Variants in ADAMTSL3 observed in about 807,000 individuals in gnomAD.
ADAMTSL3 encodes ADAMTS-like protein 3.
A neutral mutation model predicts 201.7 loss-of-function variants in ADAMTSL3; 128 were observed. The ratio of observed to expected loss-of-function variants is 0.63; its 90% CI spans 0.55 to 0.73. The LOEUF (loss-of-function observed/expected upper bound fraction) is 0.73, where lower values mean the gene tolerates loss of function less well. Ranked by LOEUF, ADAMTSL3 falls within the 30% of genes least tolerant of loss-of-function variation. The pLI is 0.00. For missense variants in ADAMTSL3, 1,990 were observed against 2,119.6 expected (o/e 0.94, Z 1.20); for synonymous variants, 738 against 748.4 (o/e 0.99, Z 0.23).
Position 83,890,201 on chromosome 15 carries a change from C to A in ADAMTSL3, c.1165C>A (p.Pro389Thr). 1 of 1,613,976 alleles carries A rather than the reference C, an allele frequency of 6.2e-7. No homozygotes were observed. The highest frequency in any genetic ancestry group is 8.5e-7 in the Non-Finnish European group (1 of 1,179,898). ...TCACTACTACCCTGAAAATGTAAAA[C>A]CAAAACCAAAACTGAAGGAATGCAG... ...YCHYYPENVK[P>T]KPKLKECSMD... Residue 389 changes from proline to threonine, a missense_variant, in exon 11 of 30, where the codon CCA becomes ACA. Coordinates refer to ENST00000286744, the MANE Select transcript of ADAMTSL3 (RefSeq NM_207517.3).
intron 16 of ADAMTSL3, among the ~76,000 whole-genome samples, chr15:83,914,852 TGTTTG>T (rs1407344851): frequency 1.3e-5 from 2 of 149,786 alleles, no homozygotes; most frequent in Non-Finnish European, 3.0e-5. Context: ...TGTTTGGTTT[TGTTTG>T]TTTGTTTGTT....
intron 26 of ADAMTSL3, 111 bp from the exon 27 acceptor site, chr15:84,025,127 G>A: frequency 1.2e-6 from 1 of 864,734 alleles, no homozygotes; most frequent in Admixed American, 3.0e-5. Flanking sequence ...AGAGACATGT[G>A]ACAGCCTAAG....
intron 19 of ADAMTSL3, among the ~76,000 whole-genome samples, chr15:83,944,279 G>C (rs1008389033): frequency 5.9e-5 from 9 of 152,118 alleles, no homozygotes; most frequent in Non-Finnish European, 1.5e-5. Context: ...TCTTCTTCCA[G>C]CCCTTTGCTC....
At chr15:83,912,945 A>G in intron 15 of ADAMTSL3, 147 bp from the exon 16 acceptor site, 1 of 797,546 alleles carries the variant, frequency 1.3e-6, no homozygotes, top group Non-Finnish European at 2.0e-6. Context: ...ACTGACCATC[A>G]ACAAAAGTAT....
intron 2 of ADAMTSL3, among the ~76,000 whole-genome samples, chr15:83,665,886 A>G (rs1567058922): frequency 6.6e-6 from 1 of 152,190 alleles, no homozygotes; most frequent in Non-Finnish European, 1.5e-5. Context: ...AAAAACAAAG[A>G]AGAGTAACTA....
intron 21 of ADAMTSL3, among the ~76,000 whole-genome samples, 162 bp from the exon 22 acceptor site, chr15:83,988,529 A>G (rs865957192): frequency 3.3e-5 from 5 of 152,210 alleles, no homozygotes; most frequent in Non-Finnish European, 5.9e-5. Flanking sequence ...CCTGGTCTAT[A>G]TAGTTCTCTG....
At chr15:84,021,085 G>A (rs1233712361) in intron 25 of ADAMTSL3, among the ~76,000 whole-genome samples, 1 of 152,162 alleles carries the variant, frequency 6.6e-6, no homozygotes, top group Non-Finnish European at 1.5e-5. Context: ...GCTGTGGTTA[G>A]AGAACACTGA....
At chr15:83,759,351 G>C (rs924960433) in intron 3 of ADAMTSL3, among the ~76,000 whole-genome samples, 1 of 151,610 alleles carries the variant, frequency 6.6e-6, no homozygotes, top group Non-Finnish European at 1.5e-5. Flanking sequence ...TCAGCCTCCC[G>C]AGTAGCTGGG....
At chr15:83,876,102 G>A (rs1400479450) in intron 9 of ADAMTSL3, among the ~76,000 whole-genome samples, 1 of 151,932 alleles carries the variant, frequency 6.6e-6, no homozygotes, top group African/African-American at 2.4e-5. Context: ...TTTTTCTACG[G>A]AAGTATCCAA....
rs141206955 is a variant in ADAMTSL3, at chr15:83,741,886, G to A, written c.190-31637G>A. Among the ~76,000 whole-genome samples, 66 of 152,124 alleles carry A rather than the reference G, an allele frequency of 4.3e-4. 1 individual carries two copies. The East Asian group carries it at 0.012, about 27-fold the overall frequency. On this transcript the variant is annotated intron_variant, in intron 3 of 29. Transcript: ENST00000286744. ...CTTGGGAGGCTGACGTGGGAGGATC[G>A]CTTGAGTTTGAGGCTGCAGTGAGCC...
intron 23 of ADAMTSL3, among the ~76,000 whole-genome samples, chr15:84,009,425 TA>T (rs2067965030): frequency 6.6e-6 from 1 of 152,156 alleles, no homozygotes; most frequent in South Asian, 2.1e-4. Flanking sequence ...CCAATTATAA[TA>T]AAAATATAGG....
At chr15:83,981,656 C>T (rs1031799869) in intron 20 of ADAMTSL3, among the ~76,000 whole-genome samples, 4 of 152,208 alleles carry the variant, frequency 2.6e-5, no homozygotes, top group African/African-American at 4.8e-5. Flanking sequence ...TTTTTGATCA[C>T]GGCTACCCAT....
chr15:83,745,753 A>G (rs1205467311), intron 3 of ADAMTSL3, among the ~76,000 whole-genome samples: 1 of 152,236 alleles, frequency 6.6e-6, no homozygotes, highest in Non-Finnish European at 1.5e-5. Flanking sequence ...ATCTACATTA[A>G]TTCAATGAAG....
intron 4 of ADAMTSL3, among the ~76,000 whole-genome samples, chr15:83,792,474 A>G (rs1369344060): frequency 6.6e-6 from 1 of 152,202 alleles, no homozygotes; most frequent in Non-Finnish European, 1.5e-5. Flanking sequence ...GAAAAACAGT[A>G]TAAGCGTTCC....
At chr15:83,823,941 T>TTCA (rs2063947314) in intron 6 of ADAMTSL3, among the ~76,000 whole-genome samples, 1 of 108,176 alleles carries the variant, frequency 9.2e-6, no homozygotes, top group African/African-American at 3.4e-5. Context: ...CTTCTTCTTC[T>TTCA]TCTTCTTCTT....
At chr15:83,768,527 T>A (rs2062927438) in intron 3 of ADAMTSL3, among the ~76,000 whole-genome samples, 1 of 152,142 alleles carries the variant, frequency 6.6e-6, no homozygotes, top group African/African-American at 2.4e-5. Context: ...AATGTGCAAA[T>A]TTCGATGTGC....
At chr15:83,855,270 A>G (rs1262604979) in intron 7 of ADAMTSL3, among the ~76,000 whole-genome samples, 1 of 152,136 alleles carries the variant, frequency 6.6e-6, no homozygotes, top group Non-Finnish European at 1.5e-5. Flanking sequence ...AATATGTTGG[A>G]GTTTTTCAAA....
At chr15:83,789,104 C>G (rs1431483518) in intron 4 of ADAMTSL3, among the ~76,000 whole-genome samples, 1 of 152,198 alleles carries the variant, frequency 6.6e-6, no homozygotes, top group Non-Finnish European at 1.5e-5. Flanking sequence ...AGCCACCACA[C>G]CCAGCCGTGT....
At chr15:83,971,748 T>TC (rs2142128262) in intron 20 of ADAMTSL3, among the ~76,000 whole-genome samples, 2 of 151,132 alleles carry the variant, frequency 1.3e-5, no homozygotes, top group South Asian at 4.2e-4. Context: ...TACCACTTTT[T>TC]CACTATCTTT....
Sources: gnomAD v4.1 joint callset for allele counts (sites outside exome capture counted in the v4.1 genomes callset) on GRCh38, gnomAD v4.1.1 for gene constraint, MANE v1.5 for transcripts, NCBI Gene and HGNC (gene_info 2026-07-23, HGNC 2026-07-21) for gene names.